Variants in SGSM2 observed in about 807,000 individuals in gnomAD.
The protein encoded by SGSM2 is RUN and TBC1 domain containing 1.
A neutral mutation model predicts 126.6 loss-of-function variants in SGSM2; 89 were observed. The ratio of observed to expected loss-of-function variants is 0.70; its 90% confidence interval spans 0.59 to 0.84. The LOEUF (loss-of-function observed/expected upper bound fraction) is 0.84, where lower values mean the gene tolerates loss of function less well. SGSM2 is among the 40% of genes least tolerant of loss of function. SGSM2 has a pLI of 0.00. For missense variants in SGSM2, 1,404 were observed against 1,416.6 expected (o/e 0.99, Z 0.14); for synonymous variants, 614 against 574.3 (o/e 1.07, Z -0.99).
intron 18 of SGSM2, 44 bp downstream of exon 18, chr17:2,375,919 C>T (rs747270900): frequency 4.0e-6 from 6 of 1,509,302 alleles, no homozygotes; most frequent in Non-Finnish European, 5.3e-6. Context: ...CCCCAGAGGC[C>T]CTCCTGACAT....
At chr17:2,376,008 TCAG>T in intron 18 of SGSM2, 126 bp from the exon 19 acceptor site, 1 of 1,521,080 alleles carries the variant, frequency 6.6e-7, no homozygotes, top group Non-Finnish European at 8.8e-7. Context: ...AGCCCATTTC[TCAG>T]CATCCCCACA....
At chr17:2,356,990 A>T (rs1179187490) in intron 2 of SGSM2, among the ~76,000 whole-genome samples, 1 of 151,778 alleles carries the variant, frequency 6.6e-6, no homozygotes, top group Non-Finnish European at 1.5e-5. Flanking sequence ...AAGGGACCCC[A>T]TATCTTAGAA....
chr17:2,361,180 G>A (rs1312087374), intron 2 of SGSM2, among the ~76,000 whole-genome samples: 3 of 152,186 alleles, frequency 2.0e-5, no homozygotes, highest in Admixed American at 6.5e-5. Context: ...GCCACTGTCG[G>A]GTCCAAGCTC....
chr17:2,347,694 C>G (rs1400209682), intron 2 of SGSM2, among the ~76,000 whole-genome samples: 1 of 151,150 alleles, frequency 6.6e-6, no homozygotes, highest in Non-Finnish European at 1.5e-5. Context: ...AGATTGGTCT[C>G]AAACTCGTGG....
intron 2 of SGSM2, among the ~76,000 whole-genome samples, chr17:2,354,852 C>T (rs1445414277): frequency 6.6e-6 from 1 of 151,444 alleles, no homozygotes; most frequent in African/African-American, 2.4e-5. Context: ...GGGGCAGGGA[C>T]CCTATATCTT....
Position 2,351,403 on chromosome 17 carries a change from C to T in SGSM2, c.133+7783C>T, listed in dbSNP as rs551052586. Among the ~76,000 whole-genome samples the T allele has an allele frequency of 2.6e-5, 4 of 152,230 alleles. No homozygotes were observed. In the East Asian group the frequency reaches 5.8e-4, roughly 22 times the overall value. On this transcript the variant is annotated intron_variant, in intron 2 of 23. Transcript: ENST00000268989. Reference sequence around the variant, plus strand: ...ATTGAGGAGTTGGCCCTCATGCAGACGAAGCTCTGGTCATTGAACTGTGGG... The same window carrying T: ...ATTGAGGAGTTGGCCCTCATGCAGATGAAGCTCTGGTCATTGAACTGTGGG...
At chr17:2,349,066 A>C (rs1331864724) in intron 2 of SGSM2, among the ~76,000 whole-genome samples, 1 of 149,328 alleles carries the variant, frequency 6.7e-6, no homozygotes, top group African/African-American at 2.4e-5. Flanking sequence ...CCCACCCCAC[A>C]TCTGCTTTGT....
In SGSM2 at chr17:2,372,923, T is replaced by A. The variant is rs2065943251; in HGVS notation, c.1789-30T>A. ...GCTGGGCCACGGTGACTGTGGAGGC[T>A]GCACAGTCTTGACTCCCCGGGTCCC... On this transcript the variant is annotated intron_variant, in intron 15 of 23. Coordinates refer to ENST00000268989, the MANE Select transcript of SGSM2 (RefSeq NM_014853.3). This position sits in a 1 kb window ranked among gnomAD's most constrained non-coding sequence, Gnocchi z 6.0. 7 of 1,551,708 alleles carry A rather than the reference T, an allele frequency of 4.5e-6. No homozygotes were observed. The highest frequency in any genetic ancestry group is 5.2e-6 in the Non-Finnish European group (6 of 1,147,088).
chr17:2,376,961 C>T lies in SGSM2; in HGVS notation c.2695C>T (p.Gln899Ter). The change falls in exon 21 of 24, where the codon CAG becomes TAG. Residue 899 changes from glutamine to a stop codon, truncating the protein, a stop_gained and splice_region_variant. Transcript: ENST00000268989. LOFTEE classifies it high-confidence loss of function. ...APLLVTLDND[Q>*]LAYSCFSHLM... ...GCTTCACTCCTGTCTCCCCTCAGAT[C>T]AGCTGGCCTACAGCTGCTTCAGCCA... The T allele has an allele frequency of 6.2e-7, 1 of 1,612,674 alleles. No homozygotes were observed. Among genetic ancestry groups the T allele is most frequent in the South Asian group, 1.1e-5 (1 of 90,946 alleles).
chr17:2,340,835 T>C (rs570705030), intron 1 of SGSM2, among the ~76,000 whole-genome samples: 242 of 152,232 alleles, frequency 1.6e-3, no homozygotes, highest in East Asian at 4.6e-3. Context: ...CCGCCCACCT[T>C]GGCCTCCCAA....
At position 2,375,477 on chromosome 17, in the gene SGSM2, G is replaced by C. The variant is rs747685453; in HGVS notation, c.2101-15G>C. On this transcript the variant is annotated splice_polypyrimidine_tract_variant and intron_variant, in intron 17 of 23. Transcript: ENST00000268989. ...GCTGGAGTGCAGGTGGAGCCGCCCT[G>C]TGTTCACCCCCCAGGTGTTTATCTC... 62 of 1,593,276 alleles carry C rather than the reference G, an allele frequency of 3.9e-5. No homozygotes were observed. Among genetic ancestry groups the C allele is most frequent in the Non-Finnish European group, 5.3e-5 (62 of 1,167,424 alleles).
At position 2,380,269 on chromosome 17, in the gene SGSM2, T is replaced by C. The variant is rs1053931913; in HGVS notation, c.*749T>C. 1.3e-6 allele frequency: 2 copies of C among 1,536,018 alleles called. No homozygotes were observed. Among genetic ancestry groups the C allele is most frequent in the Admixed American group, 3.9e-5 (2 of 51,000 alleles). On this transcript the variant is annotated 3_prime_UTR_variant, in exon 24 of 24. Coordinates refer to ENST00000268989, the MANE Select transcript of SGSM2 (RefSeq NM_014853.3). ...CACCCTTGCGTTCTGCATTAGGTAC[T>C]TCCCTGAAAACCACGTGTAAGAAGT... is the stretch of plus-strand genomic sequence containing the variant.
chr17:2,348,618 C>T (rs1436420911), intron 2 of SGSM2, among the ~76,000 whole-genome samples: 4 of 152,092 alleles, frequency 2.6e-5, no homozygotes, highest in African/African-American at 7.2e-5. Context: ...GGCTGTGCCA[C>T]GAAGTGTGTA....
At chr17:2,359,887 A>G (rs1281844242) in intron 2 of SGSM2, among the ~76,000 whole-genome samples, 2 of 152,032 alleles carry the variant, frequency 1.3e-5, no homozygotes, top group African/African-American at 4.8e-5. Context: ...CCAGGAAATG[A>G]TCACCCCCTT....
At chr17:2,377,119 T>C (rs765659822) in intron 21 of SGSM2, 51 bp downstream of exon 21, 11 of 1,163,166 alleles carry the variant, frequency 9.5e-6, no homozygotes, top group South Asian at 6.7e-5. Context: ...GCTGGGCTGG[T>C]CCATCGTCCA....
chr17:2,343,494 C>A, intron 1 of SGSM2, 51 bp from the exon 2 acceptor site: 1 of 1,581,242 alleles, frequency 6.3e-7, no homozygotes, highest in Non-Finnish European at 8.7e-7. Context: ...GCCCAGAGGT[C>A]TTTGATAAGG....
chr17:2,371,208 G>A, intron 12 of SGSM2, 54 bp from the exon 13 acceptor site: 4 of 1,561,502 alleles, frequency 2.6e-6, no homozygotes, highest in South Asian at 1.2e-5. Context: ...GGTGCAGGGT[G>A]CCTGGGAGAG....
chr17:2,352,999 G>C (rs913517429), intron 2 of SGSM2, among the ~76,000 whole-genome samples: 1 of 151,334 alleles, frequency 6.6e-6, no homozygotes, highest in Non-Finnish European at 1.5e-5. Context: ...GGATGGTCTG[G>C]ATCTCCTGAC....
At chr17:2,377,138 G>GGGA in intron 21 of SGSM2, 70 bp downstream of exon 21, 2 of 909,650 alleles carry the variant, frequency 2.2e-6, no homozygotes, top group Non-Finnish European at 3.5e-6. Flanking sequence ...CACATGGCTA[G>GGGA]GGAGCATTCC....
Sources: allele counts gnomAD v4.1 joint callset (sites outside exome capture counted in the v4.1 genomes callset), GRCh38; gene constraint gnomAD v4.1.1; non-coding constraint Gnocchi (gnomAD v3.1); transcripts MANE v1.5; gene names NCBI Gene and HGNC (gene_info 2026-07-23, HGNC 2026-07-21).